Variants in AKAP13 observed in about 807,000 individuals in gnomAD.
AKAP13 encodes the protein A-kinase anchoring protein 13.
Under a neutral mutation model 264.5 loss-of-function variants are expected in AKAP13, and 80 were observed. The observed-to-expected ratio is 0.30, with a 90% CI of 0.25 to 0.36. The LOEUF (loss-of-function observed/expected upper bound fraction) is 0.36. Ranked by LOEUF, AKAP13 falls within the 10% of genes least tolerant of loss-of-function variation. The probability of loss-of-function intolerance (pLI) is 1.00; values close to 1 mark genes in which losing one functional copy is unlikely to be tolerated. For synonymous variants in AKAP13, 1,380 were observed against 1,250.2 expected (o/e 1.10, Z -2.19); for missense variants, 3,712 against 3,435.2 (o/e 1.08, Z -2.01).
chr15:85,386,823 A>G (rs1183402652), intron 1 of AKAP13, among the ~76,000 whole-genome samples: 2 of 150,272 alleles, frequency 1.3e-5, no homozygotes, highest in African/African-American at 4.9e-5. Flanking sequence ...TCTCTCTCCT[A>G]TTCCATTGAT....
Position 85,714,836 on chromosome 15 carries a change from G to T in AKAP13, c.5600-952G>T, listed in dbSNP as rs192462236. Among the ~76,000 whole-genome samples the T allele has an allele frequency of 3.7e-4, 57 of 152,126 alleles. No homozygotes were observed. In the East Asian group the frequency reaches 0.01, roughly 27 times the overall value. On this transcript the variant is annotated intron_variant, in intron 19 of 36. Coordinates refer to ENST00000394518, the MANE Select transcript of AKAP13 (RefSeq NM_007200.5). ...ACAAAAATTAGCCAGGCATGGTGGC[G>T]GGTGCCTGTAATCCCAGCTACTCGG...
chr15:85,640,558 G>T (rs2082262324), intron 9 of AKAP13, among the ~76,000 whole-genome samples: 1 of 152,254 alleles, frequency 6.6e-6, no homozygotes, highest in East Asian at 1.9e-4. Context: ...CTCATTTTTT[G>T]AGAGTAGTTA....
rs543318696 is a variant in AKAP13 at position 85,716,743 on chromosome 15, A to G, written c.5736-547A>G. Among the ~76,000 whole-genome samples, 11 of 152,216 alleles carry G rather than the reference A, an allele frequency of 7.2e-5. No homozygotes were observed. In the East Asian group the frequency reaches 1.2e-3, roughly 16 times the overall value. Reference sequence around the variant, plus strand: ...TTGTCTTTGTATTCTCATTATTTCCAAAAGTGTACTTTTCAAAAGTTGTAA... The same window carrying G: ...TTGTCTTTGTATTCTCATTATTTCCGAAAGTGTACTTTTCAAAAGTTGTAA... On this transcript the variant is annotated intron_variant, in intron 20 of 36. Coordinates refer to ENST00000394518, the MANE Select transcript of AKAP13 (RefSeq NM_007200.5).
intron 1 of AKAP13, among the ~76,000 whole-genome samples, chr15:85,404,515 A>C (rs544465739): frequency 6.6e-6 from 1 of 152,230 alleles, no homozygotes; most frequent in Non-Finnish European, 1.5e-5. Flanking sequence ...CTAGGGACAC[A>C]CAAAATGTTC....
At chr15:85,544,085 T>G (rs757893853) in intron 5 of AKAP13, 130 bp downstream of exon 5, 2 of 1,093,450 alleles carry the variant, frequency 1.8e-6, no homozygotes, top group Non-Finnish European at 2.7e-6. Flanking sequence ...GTATCTTGCC[T>G]TCTGCTGGAG....
intron 1 of AKAP13, among the ~76,000 whole-genome samples, chr15:85,453,598 C>G (rs2074170857): frequency 6.6e-6 from 1 of 152,014 alleles, no homozygotes; most frequent in Admixed American, 6.5e-5. Flanking sequence ...TGAGGAGGAG[C>G]AGGATCAGGA....
At chr15:85,406,105 G>T (rs1343983059) in intron 1 of AKAP13, among the ~76,000 whole-genome samples, 1 of 152,170 alleles carries the variant, frequency 6.6e-6, no homozygotes, top group Non-Finnish European at 1.5e-5. Context: ...TCCTGCCTTG[G>T]CGTCCCAAAG....
At chr15:85,436,227 T>G (rs1370494198) in intron 1 of AKAP13, among the ~76,000 whole-genome samples, 1 of 74,738 alleles carries the variant, frequency 1.3e-5, no homozygotes, top group Non-Finnish European at 2.7e-5. Flanking sequence ...AGAAGGCCAT[T>G]ACATAATGGT....
intron 2 of AKAP13, among the ~76,000 whole-genome samples, chr15:85,491,953 A>G (rs1432877467): frequency 6.6e-6 from 1 of 152,210 alleles, no homozygotes; most frequent in Admixed American, 6.5e-5. Context: ...TTCGTCATAC[A>G]TAAGGAAACA....
intron 1 of AKAP13, among the ~76,000 whole-genome samples, chr15:85,399,513 A>AATAAAAT (rs2071294856): frequency 1.4e-5 from 1 of 69,966 alleles, no homozygotes; most frequent in African/African-American, 5.5e-5. Flanking sequence ...AAAAAAAAAA[A>AATAAAAT]AAAAAAAAAT....
At chr15:85,534,127 G>T (rs1288013160) in intron 4 of AKAP13, 6 of 446,052 alleles carry the variant, frequency 1.3e-5, no homozygotes, top group Non-Finnish European at 2.0e-5. Context: ...TCACCTTCCT[G>T]TGGGTCTGGA....
chr15:85,523,239 G>T, intron 3 of AKAP13, among the ~76,000 whole-genome samples: 1 of 151,964 alleles, frequency 6.6e-6, no homozygotes, highest in East Asian at 1.9e-4. Context: ...AGATTTTTCT[G>T]ATTACTTGTC....
At chr15:85,425,185 A>G (rs150247830) in intron 1 of AKAP13, among the ~76,000 whole-genome samples, 2 of 152,284 alleles carry the variant, frequency 1.3e-5, no homozygotes, top group East Asian at 3.9e-4. Context: ...CAGACCTTCA[A>G]TTTGTTAAAA....
chr15:85,578,556 C>T (rs2079091206), intron 6 of AKAP13, among the ~76,000 whole-genome samples: 1 of 152,040 alleles, frequency 6.6e-6, no homozygotes, highest in African/African-American at 2.4e-5. Context: ...CATGTTGAGG[C>T]TGGTCTCGAA....
chr15:85,633,368 C>CA (rs369870550), intron 8 of AKAP13, among the ~76,000 whole-genome samples: 3 of 146,512 alleles, frequency 2.0e-5, no homozygotes, highest in Non-Finnish European at 4.5e-5. Context: ...ATAATAGGGG[C>CA]GGGGGGGGAG....
chr15:85,655,863 G>A, intron 11 of AKAP13, 76 bp downstream of exon 11: 1 of 1,506,222 alleles, frequency 6.6e-7, no homozygotes, highest in Non-Finnish European at 8.8e-7. Context: ...TATTATTGTT[G>A]GTAAAAGAAT....
chr15:85,390,245 C>A (rs1295168059), intron 1 of AKAP13, among the ~76,000 whole-genome samples: 2 of 152,134 alleles, frequency 1.3e-5, no homozygotes, highest in Non-Finnish European at 2.9e-5. Flanking sequence ...CAAACAATTG[C>A]AGTCATGTCT....
intron 5 of AKAP13, chr15:85,555,463 C>A: frequency 7.8e-7 from 1 of 1,288,738 alleles, no homozygotes; most frequent in South Asian, 1.2e-5. Flanking sequence ...GATGGGCTTG[C>A]GATATTCGGG....
At chr15:85,437,725 G>A (rs989684642) in intron 1 of AKAP13, among the ~76,000 whole-genome samples, 9 of 152,132 alleles carry the variant, frequency 5.9e-5, no homozygotes, top group Non-Finnish European at 7.3e-5. Flanking sequence ...AAACCACATG[G>A]TTATCTCAAT....
Sources: gnomAD v4.1 joint callset for allele counts (sites outside exome capture counted in the v4.1 genomes callset) on GRCh38, gnomAD v4.1.1 for gene constraint, MANE v1.5 for transcripts, NCBI Gene and HGNC (gene_info 2026-07-23, HGNC 2026-07-21) for gene names.